Variants in ANK2 observed in about 807,000 individuals in gnomAD.
The protein encoded by ANK2 is ankyrin-2.
Under a neutral mutation model 360.5 loss-of-function variants are expected in ANK2, and 83 were observed. That is an observed-to-expected ratio of 0.23 (90% CI 0.19 to 0.28). The LOEUF (loss-of-function observed/expected upper bound fraction) is 0.28. Ranked by LOEUF, ANK2 falls within the 10% of genes least tolerant of loss-of-function variation. The pLI, the probability that ANK2 is intolerant of heterozygous loss-of-function variation, is 1.00. For synonymous variants in ANK2, 1,740 were observed against 1,759.5 expected (o/e 0.99, Z 0.28); for missense variants, 4,201 against 4,795.7 (o/e 0.88, Z 3.66).
intron 20 of ANK2, among the ~76,000 whole-genome samples, chr4:113,291,693 A>T (rs1251707848): frequency 1.3e-5 from 2 of 152,186 alleles, no homozygotes; most frequent in Admixed American, 1.3e-4. Flanking sequence ...GGTCTGAAAC[A>T]TATAGATAAA....
chr4:112,711,169 C>T, the ANK2 span, among the ~76,000 whole-genome samples: 17 of 149,498 alleles, frequency 1.1e-4, no homozygotes, highest in South Asian at 2.1e-4. Context: ...CAGTGGCTCA[C>T]GCCTGTAATC....
At chr4:113,129,789 T>A (rs1331718427) in intron 1 of ANK2, among the ~76,000 whole-genome samples, 1 of 152,200 alleles carries the variant, frequency 6.6e-6, no homozygotes, top group African/African-American at 2.4e-5. Flanking sequence ...ATTTTACTAT[T>A]TTATTCTTGA....
intron 1 of ANK2, among the ~76,000 whole-genome samples, chr4:113,055,994 G>A (rs1352181464): frequency 6.6e-6 from 1 of 152,030 alleles, no homozygotes; most frequent in Non-Finnish European, 1.5e-5. Context: ...TTCTTTCATG[G>A]CTATCTATGA....
rs185465972 is a variant in ANK2 at position 112,821,534 on chromosome 4, C to T, written c.-40+3270C>T. 2.5e-3 allele frequency among the ~76,000 whole-genome samples: 364 copies of T among 145,488 alleles called. 2 individuals are homozygous for T. Among genetic ancestry groups the T allele is most frequent in the Admixed American group, 5.1e-3 (72 of 14,178 alleles). Reference sequence around the variant, plus strand: ...TTATTTTTTTTTTGAGACTGGGTCTCAGTCTGTCACCCAGGCTGGAGTGCA... The same window carrying T: ...TTATTTTTTTTTTGAGACTGGGTCTTAGTCTGTCACCCAGGCTGGAGTGCA... On this transcript the variant is annotated intron_variant, in intron 1 of 30. Coordinates refer to the ANK2 transcript ENST00000503271.
At chr4:112,713,335 C>T in the ANK2 span, among the ~76,000 whole-genome samples, 26 of 152,070 alleles carry the variant, frequency 1.7e-4, no homozygotes, top group African/African-American at 5.1e-4. Flanking sequence ...TTTGGAAGGC[C>T]GAGGTGGGCA....
intron 1 of ANK2, among the ~76,000 whole-genome samples, chr4:113,156,579 C>T (rs1195833202): frequency 1.3e-5 from 2 of 151,454 alleles, no homozygotes; most frequent in Non-Finnish European, 2.9e-5. Flanking sequence ...ACCATGTTGC[C>T]CTAGAACTCC....
At chr4:113,173,774 T>G (rs904421295) in intron 1 of ANK2, among the ~76,000 whole-genome samples, 2 of 152,170 alleles carry the variant, frequency 1.3e-5, no homozygotes, top group Non-Finnish European at 2.9e-5. Context: ...TTATGTCAGG[T>G]GGTTTAAATT....
chr4:113,371,789 A>G (rs2096747422), intron 43 of ANK2, among the ~76,000 whole-genome samples: 1 of 152,216 alleles, frequency 6.6e-6, no homozygotes, highest in African/African-American at 2.4e-5. Flanking sequence ...TAAACATATA[A>G]CTTGAGTTTT....
chr4:113,105,932 C>T (rs1192870738), intron 1 of ANK2, among the ~76,000 whole-genome samples: 1 of 152,068 alleles, frequency 6.6e-6, no homozygotes, highest in Non-Finnish European at 1.5e-5. Flanking sequence ...TCCTTAACCC[C>T]ATTAGAGATT....
intron 2 of ANK2, among the ~76,000 whole-genome samples, chr4:112,978,631 G>A (rs181083364): frequency 6.8e-4 from 104 of 152,196 alleles, no homozygotes; most frequent in Middle Eastern, 3.4e-3. Context: ...AAGGTTTATC[G>A]ACCTTGTGGC....
chr4:112,853,362 C>T (rs916308266), intron 1 of ANK2, among the ~76,000 whole-genome samples: 16 of 151,936 alleles, frequency 1.1e-4, no homozygotes, highest in African/African-American at 3.4e-4. Context: ...CCACCATGCC[C>T]GGCCTTTTTT....
chr4:112,778,183 T>C, the ANK2 span, among the ~76,000 whole-genome samples: 5 of 151,918 alleles, frequency 3.3e-5, no homozygotes, highest in South Asian at 8.3e-4. Flanking sequence ...TTGACCAGGC[T>C]GGTCTTGAAC....
Position 113,199,023 on chromosome 4 carries a change from G to T in ANK2, c.298G>T (p.Ala100Ser), listed in dbSNP as rs1325750471. 1.2e-6 allele frequency: 2 copies of T among 1,612,702 alleles called. No homozygotes were observed. The highest frequency in any genetic ancestry group is 1.7e-6 in the Non-Finnish European group (2 of 1,178,976). ...TTCTCCAAAACAGAAGGGAAATACC[G>T]CTCTTCACATTGCATCTTTGGCTGG... is the stretch of plus-strand genomic sequence containing the variant. ...VDSATKKGNT[A>S]LHIASLAGQA... Residue 100 changes from alanine (A) to serine (S), a missense_variant, in exon 4 of 46, where the codon GCT (alanine) becomes TCT (serine). Ala to Ser is a moderately conservative substitution (Grantham distance 99, BLOSUM62 1). Coordinates refer to ENST00000357077, the MANE Select transcript of ANK2 (RefSeq NM_001148.6).
chr4:113,211,946 A>G (rs1310411555), intron 4 of ANK2, among the ~76,000 whole-genome samples: 2 of 152,134 alleles, frequency 1.3e-5, no homozygotes, highest in African/African-American at 4.8e-5. Context: ...ATGCTATATT[A>G]TCTTGCTTTA....
intron 23 of ANK2, among the ~76,000 whole-genome samples, chr4:113,305,625 CT>C (rs2153805294): frequency 6.6e-6 from 1 of 152,222 alleles, no homozygotes; most frequent in South Asian, 2.1e-4. Flanking sequence ...TGATAAGTAA[CT>C]TTTTCATGGA....
chr4:113,218,268 C>T (rs2099109336), intron 4 of ANK2, among the ~76,000 whole-genome samples: 1 of 152,028 alleles, frequency 6.6e-6, no homozygotes, highest in South Asian at 2.1e-4. Flanking sequence ...ATAATTCTGA[C>T]GACTGTTGAG....
intron 1 of ANK2, among the ~76,000 whole-genome samples, chr4:112,845,578 T>C (rs1183444906): frequency 6.6e-6 from 1 of 152,132 alleles, no homozygotes; most frequent in Non-Finnish European, 1.5e-5. Flanking sequence ...TGGAGCCCTC[T>C]CCTGGGGTTG....
intron 1 of ANK2, among the ~76,000 whole-genome samples, chr4:112,851,383 G>A (rs2064957103): frequency 6.6e-6 from 1 of 152,184 alleles, no homozygotes; most frequent in Non-Finnish European, 1.5e-5. Context: ...GACCAAGGTA[G>A]TGACACTTCT....
chr4:112,889,381 A>G (rs867615526), intron 1 of ANK2, among the ~76,000 whole-genome samples: 1 of 152,136 alleles, frequency 6.6e-6, no homozygotes, highest in African/African-American at 2.4e-5. Flanking sequence ...ACTATTATAT[A>G]CACTTATGGA....
Sources: allele counts gnomAD v4.1 joint callset (sites outside exome capture counted in the v4.1 genomes callset), GRCh38; gene constraint gnomAD v4.1.1; transcripts MANE v1.5; gene names NCBI Gene and HGNC (gene_info 2026-07-23, HGNC 2026-07-21).